FHOD3: variants seen among roughly 807,000 people sequenced by gnomAD.
FHOD3 encodes formin homology 2 domain containing 3.
Under a neutral mutation model 173.0 loss-of-function variants are expected in FHOD3, and 90 were observed. That is an observed-to-expected ratio of 0.52 (90% CI 0.44 to 0.62). FHOD3 has a LOEUF of 0.62. FHOD3 is among the 20% of genes least tolerant of loss of function. The pLI is 0.00. For synonymous variants in FHOD3, 828 were observed against 823.0 expected (o/e 1.01, Z -0.10); for missense variants, 1,945 against 2,034.7 (o/e 0.96, Z 0.85).
intron 6 of FHOD3, among the ~76,000 whole-genome samples, chr18:36,592,326 T>C (rs2059247783): frequency 6.6e-6 from 1 of 152,192 alleles, no homozygotes; most frequent in African/African-American, 2.4e-5. Context: ...ATCTGAAGGA[T>C]GAGGTCAGTC....
intron 3 of FHOD3, among the ~76,000 whole-genome samples, chr18:36,462,762 C>A (rs576402141): frequency 5.6e-4 from 85 of 152,266 alleles, no homozygotes; most frequent in Admixed American, 1.8e-3. Flanking sequence ...GTAGCTAGGG[C>A]TACTCGTGTG....
At chr18:36,530,564 C>T (rs1005078476) in intron 5 of FHOD3, among the ~76,000 whole-genome samples, 2 of 152,184 alleles carry the variant, frequency 1.3e-5, no homozygotes, top group Admixed American at 1.3e-4. Context: ...ATTTTCACTG[C>T]TGGGTAGTAT....
intron 3 of FHOD3, among the ~76,000 whole-genome samples, chr18:36,420,529 T>C (rs1206747923): frequency 6.6e-6 from 1 of 152,250 alleles, no homozygotes; most frequent in Admixed American, 6.5e-5. Context: ...GAGGATCTTA[T>C]ATAAGCTAGT....
chr18:36,452,147 C>T (rs969334413), intron 3 of FHOD3, among the ~76,000 whole-genome samples: 21 of 152,190 alleles, frequency 1.4e-4, no homozygotes, highest in African/African-American at 4.1e-4. Context: ...TATGAGGGTG[C>T]GTCTTGGCAT....
At chr18:36,768,981 A>C (rs960443684) in intron 27 of FHOD3, among the ~76,000 whole-genome samples, 1 of 152,156 alleles carries the variant, frequency 6.6e-6, no homozygotes, top group Non-Finnish European at 1.5e-5. Flanking sequence ...TTAAATAATA[A>C]TGAGAGACAA....
Position 36,424,526 on chromosome 18 carries a change from G to C in FHOD3, c.337+51782G>C, listed in dbSNP as rs528449604. ...AGAGCCTTTTGATGGGTCACTCACTGTGGTGTCCTCAGCACCTAGAATGGT... is the reference window on the plus strand; with the variant it reads ...AGAGCCTTTTGATGGGTCACTCACTCTGGTGTCCTCAGCACCTAGAATGGT... On this transcript the variant is annotated intron_variant, in intron 3 of 28. Coordinates refer to ENST00000590592, the MANE Select transcript of FHOD3 (RefSeq NM_001281740.3). Among the ~76,000 whole-genome samples, 11 of 152,276 alleles carry C rather than the reference G, an allele frequency of 7.2e-5. No individual in the cohort carries two copies. In the East Asian group the frequency reaches 2.1e-3, roughly 29 times the overall value.
intron 2 of FHOD3, among the ~76,000 whole-genome samples, chr18:36,358,184 C>A (rs1465211137): frequency 6.6e-6 from 1 of 152,250 alleles, no homozygotes; most frequent in African/African-American, 2.4e-5. Context: ...CTGTGCTCTT[C>A]TGCCATCCCA....
chr18:36,582,620 A>G (rs1308289842), intron 6 of FHOD3, among the ~76,000 whole-genome samples: 3 of 152,222 alleles, frequency 2.0e-5, no homozygotes, highest in African/African-American at 7.2e-5. Context: ...GGCAGTTACC[A>G]TGTGAACCCT....
At chr18:36,764,973 G>C (rs1380359068) in intron 27 of FHOD3, among the ~76,000 whole-genome samples, 1 of 152,182 alleles carries the variant, frequency 6.6e-6, no homozygotes, top group African/African-American at 2.4e-5. Context: ...CTGAGGATTG[G>C]GCTTATGGTA....
At chr18:36,516,239 T>G (rs1255651599) in intron 5 of FHOD3, among the ~76,000 whole-genome samples, 1 of 152,116 alleles carries the variant, frequency 6.6e-6, no homozygotes, top group Non-Finnish European at 1.5e-5. Flanking sequence ...TGGGGACTGG[T>G]GAGGGCAGAT....
intron 5 of FHOD3, among the ~76,000 whole-genome samples, chr18:36,523,123 G>T (rs1444665114): frequency 2.4e-5 from 3 of 127,020 alleles, no homozygotes; most frequent in Non-Finnish European, 3.4e-5. Context: ...TGCTGTCTGG[G>T]CCCCAGCGTT....
chr18:36,351,751 T>C (rs1289509157), intron 1 of FHOD3, among the ~76,000 whole-genome samples: 3 of 152,196 alleles, frequency 2.0e-5, no homozygotes, highest in Non-Finnish European at 2.9e-5. Context: ...TTGAGGCAGA[T>C]ACCTGGCAGG....
intron 5 of FHOD3, among the ~76,000 whole-genome samples, chr18:36,567,825 T>C (rs1285756440): frequency 6.6e-6 from 1 of 151,902 alleles, no homozygotes; most frequent in Non-Finnish European, 1.5e-5. Flanking sequence ...TTGCCCCCTC[T>C]CCCCCAGGTA....
chr18:36,641,148 A>G (rs2035277314), intron 10 of FHOD3, among the ~76,000 whole-genome samples: 1 of 152,074 alleles, frequency 6.6e-6, no homozygotes, highest in Non-Finnish European at 1.5e-5. Context: ...GCAAATACTT[A>G]TTGGATGTCC....
chr18:36,544,601 G>A (rs910747744), intron 5 of FHOD3: 2 of 152,366 alleles, frequency 1.3e-5, no homozygotes, highest in African/African-American at 4.8e-5. Flanking sequence ...TTGAGGTGGA[G>A]AGGTCGCCAC....
chr18:36,389,506 G>A (rs1288953422), intron 3 of FHOD3, among the ~76,000 whole-genome samples: 1 of 152,120 alleles, frequency 6.6e-6, no homozygotes, highest in East Asian at 1.9e-4. Context: ...AGCTGTGACT[G>A]GGCTTTTGGG....
intron 3 of FHOD3, among the ~76,000 whole-genome samples, chr18:36,388,339 T>C (rs945275123): frequency 6.6e-6 from 1 of 151,598 alleles, no homozygotes; most frequent in Non-Finnish European, 1.5e-5. Flanking sequence ...AGACAGAAAA[T>C]GGGTAAAATG....
At chr18:36,618,437 C>T (rs571371968) in intron 9 of FHOD3, among the ~76,000 whole-genome samples, 232 of 151,408 alleles carry the variant, frequency 1.5e-3, no homozygotes, top group African/African-American at 5.2e-3. Context: ...CTCAGCCTCC[C>T]GACTAGCTGG....
At chr18:36,313,458 G>A (rs2092301877) in intron 1 of FHOD3, among the ~76,000 whole-genome samples, 1 of 152,128 alleles carries the variant, frequency 6.6e-6, no homozygotes, top group South Asian at 2.1e-4. Context: ...CATTCTCAGA[G>A]GCCACTGATC....
Sources: allele counts gnomAD v4.1 joint callset (sites outside exome capture counted in the v4.1 genomes callset), GRCh38; gene constraint gnomAD v4.1.1; transcripts MANE v1.5; gene names NCBI Gene and HGNC (gene_info 2026-07-23, HGNC 2026-07-21).